The following KIAA1958 variants were observed in gnomAD, a reference collection of about 807,000 sequenced individuals.
KIAA1958 encodes KIAA1958, also known as uncharacterized protein KIAA1958.
A neutral mutation model predicts 47.2 loss-of-function variants in KIAA1958; 14 were observed. The observed-to-expected ratio is 0.30, with a 90% CI of 0.20 to 0.46. KIAA1958 has a LOEUF of 0.46. Among genes scored for constraint, KIAA1958 ranks in the 20% least tolerant of loss-of-function variants. KIAA1958 has a pLI of 1.00. For missense variants in KIAA1958, 803 were observed against 909.2 expected (o/e 0.88, Z 1.50); for synonymous variants, 354 against 353.3 (o/e 1.00, Z -0.02).
At chr9:112,641,356 G>A (rs1222192576) in intron 2 of KIAA1958, among the ~76,000 whole-genome samples, 3 of 131,612 alleles carry the variant, frequency 2.3e-5, no homozygotes, top group African/African-American at 8.5e-5. Flanking sequence ...TAGCCATTTG[G>A]TGTTATAGAT....
intron 1 of KIAA1958, among the ~76,000 whole-genome samples, chr9:112,538,351 C>CA (rs1200712157): frequency 2.0e-5 from 3 of 147,316 alleles, no homozygotes; most frequent in Admixed American, 1.4e-4. Flanking sequence ...GACCCTGTCT[C>CA]AAAAAAAAGA....
chr9:112,558,151 G>C (rs1329571799), intron 1 of KIAA1958, among the ~76,000 whole-genome samples: 1 of 152,034 alleles, frequency 6.6e-6, no homozygotes, highest in African/African-American at 2.4e-5. Flanking sequence ...CTTGAACCCG[G>C]GAGGCGGAAA....
At position 112,609,860 on chromosome 9, in the gene KIAA1958, C is replaced by CATAT. The variant is rs1302638280; in HGVS notation, c.1171+34612_1171+34615dup. Among the ~76,000 whole-genome samples, 3 of 152,110 alleles carry CATAT rather than the reference C, an allele frequency of 2.0e-5. No individual in the cohort carries two copies. In the East Asian group the frequency reaches 5.8e-4, roughly 29 times the overall value. On this transcript the variant is annotated intron_variant, in intron 2 of 3. Coordinates refer to ENST00000337530, the MANE Select transcript of KIAA1958 (RefSeq NM_133465.4). ...AACCTCCATGCCTGGCCAGAAAACC[C>CATAT]ATATATTAAATGACCAAATTGAGCC...
intron 1 of KIAA1958, among the ~76,000 whole-genome samples, chr9:112,500,116 T>TATG (rs1834109478): frequency 6.6e-6 from 1 of 152,090 alleles, no homozygotes; most frequent in African/African-American, 2.4e-5. Flanking sequence ...TTATTATTAT[T>TATG]TTTGAGACAG....
intron 2 of KIAA1958, among the ~76,000 whole-genome samples, chr9:112,588,810 C>G (rs1217849629): frequency 6.6e-6 from 1 of 152,160 alleles, no homozygotes; most frequent in Non-Finnish European, 1.5e-5. Context: ...CGTTGATCCA[C>G]TGTTCCCCTA....
chr9:112,496,189 T>A (rs2132759887), intron 1 of KIAA1958, among the ~76,000 whole-genome samples: 1 of 152,334 alleles, frequency 6.6e-6, no homozygotes, highest in African/African-American at 2.4e-5. Flanking sequence ...TCAGATTGAA[T>A]AAATACATCA....
At chr9:112,588,965 A>T (rs1353892260) in intron 2 of KIAA1958, among the ~76,000 whole-genome samples, 1 of 151,808 alleles carries the variant, frequency 6.6e-6, no homozygotes, top group Non-Finnish European at 1.5e-5. Context: ...AAAAAAATAC[A>T]GGTCAGATCT....
chr9:112,546,967 C>T (rs1449097993), intron 1 of KIAA1958, among the ~76,000 whole-genome samples: 1 of 151,608 alleles, frequency 6.6e-6, no homozygotes, highest in African/African-American at 2.4e-5. Context: ...TTTTTTGAGA[C>T]AGTCCCGTCT....
chr9:112,500,161 G>T (rs1407076765), intron 1 of KIAA1958, among the ~76,000 whole-genome samples: 1 of 151,830 alleles, frequency 6.6e-6, no homozygotes, highest in Admixed American at 6.6e-5. Flanking sequence ...GAGTGCAGTG[G>T]TGCGAACTCA....
At chr9:112,638,903 C>T (rs751351249) in intron 2 of KIAA1958, among the ~76,000 whole-genome samples, 1 of 152,138 alleles carries the variant, frequency 6.6e-6, no homozygotes, top group Non-Finnish European at 1.5e-5. Context: ...TTATTGAATT[C>T]TCAATTCATT....
In KIAA1958 at chr9:112,618,863, A is replaced by G. The variant is rs1157775939; in HGVS notation, c.1172-26787A>G. ...CCAGTCAGTGGCCGGCCACTCCAACAATGGCAATTTCATCGTCTCCGCCTC... is the reference window on the plus strand; with the variant it reads ...CCAGTCAGTGGCCGGCCACTCCAACGATGGCAATTTCATCGTCTCCGCCTC... On this transcript the variant is annotated intron_variant, in intron 2 of 3. Transcript: ENST00000337530. This position sits in a 1 kb window ranked among gnomAD's most constrained non-coding sequence, Gnocchi z 7.1. 4.5e-6 allele frequency: 7 copies of G among 1,549,136 alleles called. No individual in the cohort carries two copies. The South Asian group carries it at 8.3e-5, about 18-fold the overall frequency.
At position 112,580,055 on chromosome 9, in the gene KIAA1958, C is replaced by T. The variant is rs555760688; in HGVS notation, c.1171+4804C>T. Among the ~76,000 whole-genome samples the T allele has an allele frequency of 8.3e-4, 127 of 152,312 alleles. 1 individual carries two copies. The highest frequency in any genetic ancestry group is 2.9e-3 in the African/African-American group (122 of 41,554). Reference sequence around the variant, plus strand: ...TGCTGGTTTCTTGTCTAGCAGTAGACAGAACCTGTGTCACAGCATTCCCAG... The same window carrying T: ...TGCTGGTTTCTTGTCTAGCAGTAGATAGAACCTGTGTCACAGCATTCCCAG... On this transcript the variant is annotated intron_variant, in intron 2 of 3. Transcript: ENST00000337530.
At chr9:112,577,788 A>C (rs1835673315) in intron 2 of KIAA1958, among the ~76,000 whole-genome samples, 1 of 146,616 alleles carries the variant, frequency 6.8e-6, no homozygotes, top group Admixed American at 6.8e-5. Flanking sequence ...AAAAAAAAAA[A>C]CGAATCCATT....
intron 1 of KIAA1958, among the ~76,000 whole-genome samples, chr9:112,525,996 CTTCTTT>C (rs1361586604): frequency 1.4e-3 from 1 of 732 alleles, no homozygotes. Context: ...TCTTCTTCTT[CTTCTTT>C]TTTTTTTTAA....
At chr9:112,511,880 A>C (rs1834331363) in intron 1 of KIAA1958, among the ~76,000 whole-genome samples, 1 of 152,242 alleles carries the variant, frequency 6.6e-6, no homozygotes, top group Non-Finnish European at 1.5e-5. Flanking sequence ...AAGGATAATA[A>C]GAGACTTATG....
chr9:112,529,175 A>G (rs564122524), intron 1 of KIAA1958, among the ~76,000 whole-genome samples: 2 of 152,208 alleles, frequency 1.3e-5, no homozygotes, highest in Admixed American at 1.3e-4. Flanking sequence ...TTATCTACCT[A>G]TATCTACATG....
chr9:112,653,587 T>A (rs1358511615), intron 3 of KIAA1958, among the ~76,000 whole-genome samples: 1 of 152,130 alleles, frequency 6.6e-6, no homozygotes, highest in Non-Finnish European at 1.5e-5. Flanking sequence ...GGCAACACCA[T>A]GCACTAAGCC....
intron 3 of KIAA1958, among the ~76,000 whole-genome samples, chr9:112,652,612 G>GC (rs1837083304): frequency 6.6e-6 from 1 of 151,812 alleles, no homozygotes; most frequent in African/African-American, 2.4e-5. Context: ...TTAACCCATT[G>GC]TTTTTTTTGT....
At chr9:112,615,250 A>G (rs1384954288) in intron 2 of KIAA1958, among the ~76,000 whole-genome samples, 2 of 151,884 alleles carry the variant, frequency 1.3e-5, no homozygotes, top group Non-Finnish European at 2.9e-5. Flanking sequence ...GTGAAACCGC[A>G]TCTCTACAAA....
Sources: gnomAD v4.1 joint callset for allele counts (sites outside exome capture counted in the v4.1 genomes callset) on GRCh38, gnomAD v4.1.1 for gene constraint, Gnocchi (gnomAD v3.1) non-coding constraint, MANE v1.5 for transcripts, NCBI Gene and HGNC (gene_info 2026-07-23, HGNC 2026-07-21) for gene names.